PDXDC1: variants seen among roughly 807,000 people sequenced by gnomAD.
The protein encoded by PDXDC1 is pyridoxal dependent decarboxylase domain containing 1.
PDXDC1 carries 42 observed loss-of-function variants against 100.1 expected under a neutral mutation model. The ratio of observed to expected loss-of-function variants is 0.42; its 90% CI spans 0.33 to 0.54. The LOEUF is 0.54. PDXDC1 is among the 20% of genes least tolerant of loss of function. The pLI is 0.10. For synonymous variants in PDXDC1, 260 were observed against 371.7 expected, an observed-to-expected ratio of 0.70 and a Z score of 3.46; for missense variants, 636 against 979.2, an observed-to-expected ratio of 0.65 and a Z score of 4.68.
At chr16:14,986,418 G>A (rs1349745627) in intron 1 of PDXDC1, among the ~76,000 whole-genome samples, 7 of 152,280 alleles carry the variant, frequency 4.6e-5, no homozygotes, top group African/African-American at 7.2e-5. Context: ...GCAGTGAGCC[G>A]AGATCAAGCC....
chr16:15,035,690 G>C, intron 22 of PDXDC1, 137 bp downstream of exon 22: 1 of 600,496 alleles, frequency 1.7e-6, no homozygotes, highest in Non-Finnish European at 2.9e-6. Context: ...TAACCATCTT[G>C]GTAGCCGTGG....
At chr16:14,991,266 TA>T (rs767222104) in intron 1 of PDXDC1, among the ~76,000 whole-genome samples, 50 of 132,748 alleles carry the variant, frequency 3.8e-4, no homozygotes, top group Non-Finnish European at 6.0e-4. Context: ...TGTATATAGA[TA>T]TGTGTGTGTG....
At chr16:15,031,389 T>G (rs1047339334) in intron 16 of PDXDC1, among the ~76,000 whole-genome samples, 1 of 152,158 alleles carries the variant, frequency 6.6e-6, no homozygotes, top group Non-Finnish European at 1.5e-5. Context: ...GTCATAGGAA[T>G]GTACAGAATC....
At position 15,124,818 on chromosome 16, in the gene PDXDC1, G is replaced by A. The variant is rs530732067; in HGVS notation, c.1400-14061G>A. Reference sequence around the variant, plus strand: ...CAAAAAACAGGGTTAACAAAAGTATGGAATTCAATTCTTTTTATATGCTGC... The same window carrying A: ...CAAAAAACAGGGTTAACAAAAGTATAGAATTCAATTCTTTTTATATGCTGC... On this transcript the variant is annotated intron_variant, in intron 16 of 16. Transcript: ENST00000535621. Among the ~76,000 whole-genome samples the A allele has an allele frequency of 3.3e-5, 5 of 151,218 alleles. No homozygotes were observed. The South Asian group carries it at 1.0e-3, about 32-fold the overall frequency.
chr16:15,104,339 A>C, intron 16 of PDXDC1: 2 of 1,587,494 alleles, frequency 1.3e-6, no homozygotes, highest in Non-Finnish European at 8.5e-7. Context: ...TTATTTATTT[A>C]TTCTTCGTTA....
chr16:14,989,223 T>C (rs1970123654), intron 1 of PDXDC1: 1 of 1,614,262 alleles, frequency 6.2e-7, no homozygotes. Context: ...CCGTGCCAAG[T>C]CCTGCAGCGC....
At chr16:15,104,399 C>T in intron 16 of PDXDC1, 1 of 1,594,152 alleles carries the variant, frequency 6.3e-7, no homozygotes, top group Non-Finnish European at 8.5e-7. Flanking sequence ...TGAGCAGACA[C>T]ACTTGGGAGG....
chr16:15,082,443 C>T (rs559997073), intron 16 of PDXDC1, among the ~76,000 whole-genome samples: 5 of 151,994 alleles, frequency 3.3e-5, no homozygotes, highest in Non-Finnish European at 7.4e-5. Flanking sequence ...GAGGTGGAGA[C>T]GGGTAGATCG....
At chr16:15,137,643 G>C in intron 16 of PDXDC1, 4 of 1,324,382 alleles carry the variant, frequency 3.0e-6, no homozygotes, top group Non-Finnish European at 3.1e-6. Context: ...CTGTTCCCTT[G>C]GCCCGGAGCC....
chr16:15,119,417 G>A (rs2102495), intron 16 of PDXDC1, among the ~76,000 whole-genome samples: 1 of 137,876 alleles, frequency 7.3e-6, no homozygotes, highest in African/African-American at 2.7e-5. Flanking sequence ...AATTTTTTTT[G>A]TTTTTTTTTT....
intron 16 of PDXDC1, among the ~76,000 whole-genome samples, chr16:15,078,819 T>C (rs184664813): frequency 0.11 from 15,870 of 149,916 alleles, 988 homozygotes; most frequent in East Asian, 0.23. Flanking sequence ...TTTCTTTTTT[T>C]TTTTTTTTTT....
chr16:15,141,256 G>C (rs1418326064), downstream of PDXDC1, among the ~76,000 whole-genome samples: 1 of 152,244 alleles, frequency 6.6e-6, no homozygotes, highest in Non-Finnish European at 1.5e-5. Flanking sequence ...TGCCTGGTGG[G>C]GCCCGGGGCC....
intron 1 of PDXDC1, among the ~76,000 whole-genome samples, chr16:14,996,025 A>T (rs1277777173): frequency 6.6e-6 from 1 of 152,284 alleles, no homozygotes; most frequent in Non-Finnish European, 1.5e-5. Flanking sequence ...TACAAATAAA[A>T]ACTTTACTAC....
At chr16:15,095,891 TG>T (rs1387774538) in intron 16 of PDXDC1, among the ~76,000 whole-genome samples, 1 of 148,916 alleles carries the variant, frequency 6.7e-6, no homozygotes, top group Non-Finnish European at 1.5e-5. Flanking sequence ...TGTGTGTGTG[TG>T]TTTATATGTA....
At chr16:15,041,703 G>C (rs374878101), downstream of PDXDC1, 1 of 1,558,676 alleles carries the variant, frequency 6.4e-7, no homozygotes, top group Non-Finnish European at 8.9e-7. Context: ...AAGACCAGAA[G>C]TCAGAAAAGT....
At chr16:15,111,310 G>C (rs1168111133) in intron 16 of PDXDC1, among the ~76,000 whole-genome samples, 1 of 147,432 alleles carries the variant, frequency 6.8e-6, no homozygotes, top group Non-Finnish European at 1.5e-5. Context: ...TACAAAATTA[G>C]CCAGGCATGG....
At chr16:15,144,302 C>G (rs2048520161), downstream of PDXDC1, among the ~76,000 whole-genome samples, 1 of 152,220 alleles carries the variant, frequency 6.6e-6, no homozygotes, top group Non-Finnish European at 1.5e-5. Flanking sequence ...GTGCTCCTTT[C>G]TATTTAAGGA....
At chr16:15,147,863 A>G in the PDXDC1 span, among the ~76,000 whole-genome samples, 1 of 151,662 alleles carries the variant, frequency 6.6e-6, no homozygotes, top group African/African-American at 2.4e-5. Flanking sequence ...TAATTTTTGT[A>G]TTTTTAGTAG....
At chr16:15,129,416 G>T (rs1402926982) in intron 16 of PDXDC1, among the ~76,000 whole-genome samples, 1 of 152,118 alleles carries the variant, frequency 6.6e-6, no homozygotes, top group African/African-American at 2.4e-5. Context: ...TCCAGCCTGG[G>T]CAACAGAGCG....
Sources: gnomAD v4.1 joint callset for allele counts (sites outside exome capture counted in the v4.1 genomes callset) on GRCh38, gnomAD v4.1.1 for gene constraint, MANE v1.5 for transcripts, NCBI Gene and HGNC (gene_info 2026-07-23, HGNC 2026-07-21) for gene names.